The following ZNF44 variants were observed in gnomAD, a reference collection of about 807,000 sequenced individuals.
ZNF44 encodes the protein gonadotropin inducible transcription repressor-2.
ZNF44 carries 9 observed loss-of-function variants against 11.7 expected under a neutral mutation model. That is an observed-to-expected ratio of 0.77 (90% CI 0.46 to 1.35). ZNF44 has a LOEUF of 1.35. ZNF44 is among the 40% of genes most tolerant of loss of function. The pLI is 0.00. For synonymous variants in ZNF44, 224 were observed against 242.7 expected (o/e 0.92, Z 0.72); for missense variants, 696 against 743.1 (o/e 0.94, Z 0.74).
intron 5 of ZNF44, among the ~76,000 whole-genome samples, chr19:12,254,320 G>A (rs1175213065): frequency 6.6e-6 from 1 of 152,020 alleles, no homozygotes; most frequent in Non-Finnish European, 1.5e-5. Context: ...ACCTCTAAAC[G>A]ACCCACGGAT....
chr19:12,249,895 TTTTG>T (rs1286805350), intron 7 of ZNF44: 2 of 982,270 alleles, frequency 2.0e-6, no homozygotes, highest in Non-Finnish European at 2.7e-6. Context: ...GCTCAGCTTG[TTTTG>T]TTTCTTTAAT....
intron 1 of ZNF44, among the ~76,000 whole-genome samples, chr19:12,276,717 T>C (rs1042800908): frequency 5.3e-5 from 8 of 152,318 alleles, no homozygotes; most frequent in Non-Finnish European, 1.2e-4. Flanking sequence ...ATCTCCAATG[T>C]GGAAGTAATC....
upstream of ZNF44, among the ~76,000 whole-genome samples, chr19:12,238,520 C>T (rs561986628): frequency 3.4e-4 from 51 of 149,550 alleles, no homozygotes; most frequent in Non-Finnish European, 6.3e-4. Flanking sequence ...CAGAGCAGCT[C>T]GGGAGGTTGA....
chr19:12,276,526 A>C (rs768820979), intron 1 of ZNF44, among the ~76,000 whole-genome samples: 11 of 152,228 alleles, frequency 7.2e-5, no homozygotes, highest in Non-Finnish European at 1.3e-4. Flanking sequence ...CCCCGTAAGC[A>C]TAACTAATAA....
chr19:12,291,069 A>T, intron 1 of ZNF44: 1 of 268,320 alleles, frequency 3.7e-6, no homozygotes, highest in South Asian at 3.5e-5. Context: ...AGAAAAGCAC[A>T]AGTATCTATC....
intron 1 of ZNF44, among the ~76,000 whole-genome samples, chr19:12,292,867 T>G (rs900309524): frequency 7.6e-6 from 1 of 131,764 alleles, no homozygotes; most frequent in African/African-American, 3.7e-5. Context: ...TTTTTTTTTT[T>G]TTTTTTTTTT....
rs61737487 is a variant in ZNF44, at chr19:12,273,316, C to T, written c.939G>A (p.Gln313=). 1.2e-6 allele frequency: 2 copies of T among 1,613,242 alleles called. No homozygotes were observed. Among genetic ancestry groups the T allele is most frequent in the South Asian group, 1.1e-5 (1 of 91,016 alleles). ...HTGEKPYTCK[Q]CGKAFCHLGS... is the part of the protein sequence containing the mutation. ...CAAGATGACAAAACGCTTTCCCACA[C>T]TGTTTACATGTATAGGGTTTCTCTC... The change falls in exon 4 of 4, where the codon CAG becomes CAA. Residue 313 remains glutamine (Q), a synonymous_variant. Transcript: ENST00000355684.
rs1170775196 is a variant in ZNF44, at chr19:12,271,976, C to T, written c.*431G>A. ...TCTTCTTGCATATAGCAGGCAGCAACTCTATTTGAAAGAAATGGAAACTTT... is the reference window on the plus strand; with the variant it reads ...TCTTCTTGCATATAGCAGGCAGCAATTCTATTTGAAAGAAATGGAAACTTT... On this transcript the variant is annotated 3_prime_UTR_variant, in exon 4 of 4. Coordinates refer to ENST00000355684, the MANE Select transcript of ZNF44 (RefSeq NM_016264.4). 2 of 152,098 alleles carry T rather than the reference C, an allele frequency of 1.3e-5. No homozygotes were observed. Among genetic ancestry groups the T allele is most frequent in the African/African-American group, 4.9e-5 (2 of 41,164 alleles). The allele number at this position is 152,098 out of a possible 1,614,324, so 9.4% of individuals were successfully genotyped here.
rs1967048248 is a variant in ZNF44 at position 12,273,253 on chromosome 19, A to C, written c.1002T>G (p.Asp334Glu). ...CACATATCTTACATTTATGAGGTCC[A>C]TCTCCACTGTGCATTATCATGTGTC... ...FQRHMIMHSG[D>E]GPHKCKICGK... The change falls in exon 4 of 4, where the codon GAT (aspartate) becomes GAG (glutamate). Residue 334 changes from aspartate to glutamate, a missense_variant. Physicochemically the swap from Asp to Glu is conservative, Grantham distance 45. Transcript: ENST00000355684. The C allele has an allele frequency of 2.5e-6, 4 of 1,613,902 alleles. No homozygotes were observed. The highest frequency in any genetic ancestry group is 3.4e-6 in the Non-Finnish European group (4 of 1,179,978).
chr19:12,252,990 C>T (rs1383255353), intron 5 of ZNF44, among the ~76,000 whole-genome samples: 3 of 143,516 alleles, frequency 2.1e-5, no homozygotes, highest in South Asian at 2.2e-4. Context: ...AGGGTTTAAG[C>T]GATTCTCCTG....
intron 3 of ZNF44, among the ~76,000 whole-genome samples, chr19:12,227,206 A>G (rs2145670840): frequency 6.6e-6 from 1 of 152,368 alleles, no homozygotes; most frequent in South Asian, 2.1e-4. Context: ...ATTTTCAGAA[A>G]CTTGCATTCA....
Position 12,259,749 on chromosome 19 carries a change from G to A in ZNF44, c.1913-9381C>T, listed in dbSNP as rs186220874. 3.9e-3 allele frequency among the ~76,000 whole-genome samples: 594 copies of A among 152,276 alleles called. 2 individuals are homozygous for A. The highest frequency in any genetic ancestry group is 0.014 in the African/African-American group (562 of 41,564). On this transcript the variant is annotated intron_variant and NMD_transcript_variant, in intron 5 of 7. Coordinates refer to the ZNF44 transcript ENST00000393337. The stretch of plus-strand genomic sequence containing the variant: ...TTTAAGAACCCCAGGTTTAAGTCAG[G>A]TTTGAACTAACTTCTTTGTTATGCC...
chr19:12,250,182 T>G (rs1916933778), intron 6 of ZNF44: 2 of 1,290,482 alleles, frequency 1.5e-6, no homozygotes, highest in Non-Finnish European at 1.0e-6. Context: ...AGCATTGATA[T>G]CCAAGAAAAA....
chr19:12,239,966 C>T (rs1205846784), upstream of ZNF44, among the ~76,000 whole-genome samples: 3 of 152,098 alleles, frequency 2.0e-5, no homozygotes, highest in East Asian at 5.8e-4. Flanking sequence ...AGTAAAAATT[C>T]AGCCAAGAGG....
At chr19:12,244,735 T>C (rs1016532181), downstream of ZNF44, 3 of 152,656 alleles carry the variant, frequency 2.0e-5, no homozygotes, top group African/African-American at 7.2e-5. Context: ...TGACTTGTGC[T>C]TCTTATGAAT....
At chr19:12,238,864 G>A (rs1004518497), upstream of ZNF44, among the ~76,000 whole-genome samples, 8 of 152,090 alleles carry the variant, frequency 5.3e-5, no homozygotes, top group Non-Finnish European at 1.0e-4. Context: ...AGGAAAAGCC[G>A]CATTCAGAAA....
At chr19:12,285,381 G>A (rs943338487) in intron 1 of ZNF44, among the ~76,000 whole-genome samples, 5 of 152,050 alleles carry the variant, frequency 3.3e-5, no homozygotes, top group African/African-American at 4.8e-5. Context: ...TCAGCCTCCC[G>A]AGTAGCTGGG....
rs541379455 is a variant in ZNF44 at position 12,228,540 on chromosome 19, C to T, written n.436+1920G>A. ...GAGGCCTAATCACTTTTAAATTGTACATTTCTTGCATAAATTCCATTTATA... is the reference window on the plus strand; with the variant it reads ...GAGGCCTAATCACTTTTAAATTGTATATTTCTTGCATAAATTCCATTTATA... On this transcript the variant is annotated intron_variant and non_coding_transcript_variant, in intron 3 of 3. Transcript: ENST00000597563. Among the ~76,000 whole-genome samples, 11 of 152,252 alleles carry T rather than the reference C, an allele frequency of 7.2e-5. 1 individual carries two copies. The South Asian group carries it at 2.3e-3, about 32-fold the overall frequency.
At chr19:12,247,612 G>A (rs1348773249), downstream of ZNF44, 1 of 1,334,290 alleles carries the variant, frequency 7.5e-7, no homozygotes, top group South Asian at 1.2e-5. Flanking sequence ...CATTCATACT[G>A]TTTCTTTGCA....
Sources: allele counts gnomAD v4.1 joint callset (sites outside exome capture counted in the v4.1 genomes callset), GRCh38; gene constraint gnomAD v4.1.1; transcripts MANE v1.5; gene names NCBI Gene and HGNC (gene_info 2026-07-23, HGNC 2026-07-21).